The following CCDC25 variants were observed in gnomAD, a reference collection of about 807,000 sequenced individuals.
The protein encoded by CCDC25 is coiled-coil domain containing 25, also known as coiled-coil domain-containing protein 25.
CCDC25 carries 16 observed loss-of-function variants against 35.3 expected under a neutral mutation model. The ratio of observed to expected loss-of-function variants is 0.45; its 90% confidence interval spans 0.31 to 0.69. CCDC25 has a LOEUF of 0.69. Ranked by LOEUF, CCDC25 falls within the 30% of genes least tolerant of loss-of-function variation. CCDC25 has a pLI of 0.06. For synonymous variants in CCDC25, 79 were observed against 80.3 expected (o/e 0.98, Z 0.09); for missense variants, 179 against 250.7 (o/e 0.71, Z 1.93).
At chr8:27,743,342 G>T (rs1803502382) in intron 7 of CCDC25, among the ~76,000 whole-genome samples, 1 of 152,134 alleles carries the variant, frequency 6.6e-6, no homozygotes, top group Non-Finnish European at 1.5e-5. Flanking sequence ...AAGCTTCATT[G>T]TATCAACCCT....
intron 1 of CCDC25, among the ~76,000 whole-genome samples, chr8:27,769,914 G>A (rs1308146914): frequency 2.0e-5 from 3 of 152,238 alleles, no homozygotes; most frequent in Non-Finnish European, 4.4e-5. Flanking sequence ...GGCCGAGGCG[G>A]GTGGATCACT....
At chr8:27,765,439 GA>G (rs1025503800) in intron 1 of CCDC25, among the ~76,000 whole-genome samples, 188 bp from the exon 2 acceptor site, 1 of 151,850 alleles carries the variant, frequency 6.6e-6, no homozygotes, top group Non-Finnish European at 1.5e-5. Flanking sequence ...TAAAGGGTTG[GA>G]AAAAAAGCAA....
chr8:27,749,472 T>C (rs946607748), intron 5 of CCDC25, among the ~76,000 whole-genome samples: 1 of 152,232 alleles, frequency 6.6e-6, no homozygotes, highest in Non-Finnish European at 1.5e-5. Context: ...ACTTCACTTA[T>C]GTAATATTCC....
At chr8:27,739,888 A>T (rs1172409900) in intron 8 of CCDC25, among the ~76,000 whole-genome samples, 1 of 152,220 alleles carries the variant, frequency 6.6e-6, no homozygotes, top group Non-Finnish European at 1.5e-5. Flanking sequence ...GCCCTCAAGG[A>T]CAATAATTCT....
rs901896800 is a variant in CCDC25, at chr8:27,772,504, C to A, written c.28+9G>T. On this transcript the variant is annotated intron_variant, in intron 1 of 8. Transcript: ENST00000356537. Reference sequence around the variant, plus strand: ...CAGCAGGGTCCAGGAGGACGTGGCGCCCACTCACCGCTGCTGCTGGTGAAG... The same window carrying A: ...CAGCAGGGTCCAGGAGGACGTGGCGACCACTCACCGCTGCTGCTGGTGAAG... The A allele has an allele frequency of 1.0e-5, 16 of 1,549,882 alleles. No individual in the cohort carries two copies. In the Admixed American group the frequency reaches 2.7e-4, roughly 27 times the overall value.
chr8:27,767,584 C>T (rs569262935), intron 1 of CCDC25, among the ~76,000 whole-genome samples: 228 of 152,058 alleles, frequency 1.5e-3, no homozygotes, highest in Admixed American at 4.4e-3. Flanking sequence ...CAATTGCTCG[C>T]GATTAGAGGA....
chr8:27,766,163 C>T (rs113358883), intron 1 of CCDC25, among the ~76,000 whole-genome samples: 53 of 152,324 alleles, frequency 3.5e-4, no homozygotes, highest in African/African-American at 1.2e-3. Context: ...ACTGGGCCCT[C>T]AGGCTACAAA....
chr8:27,757,379 C>T (rs1832), intron 3 of CCDC25, among the ~76,000 whole-genome samples: 66,161 of 151,834 alleles, frequency 0.44, 14,670 homozygotes, highest in East Asian at 0.63. Flanking sequence ...TTAAATGGGT[C>T]ACAATTCAAT....
rs34964680 is a variant in CCDC25, at chr8:27,733,667, G to A, written c.*2549C>T. 1 of 152,176 alleles carries A rather than the reference G, an allele frequency of 6.6e-6. No individual in the cohort carries two copies. Among genetic ancestry groups the A allele is most frequent in the Admixed American group, 6.5e-5 (1 of 15,278 alleles). The allele number at this position is 152,176 out of a possible 1,614,324, so 9.4% of individuals were successfully genotyped here. On this transcript the variant is annotated 3_prime_UTR_variant, in exon 9 of 9. Coordinates refer to ENST00000356537, the MANE Select transcript of CCDC25 (RefSeq NM_018246.3). The stretch of plus-strand genomic sequence containing the variant: ...TGCTTCAAAATCAAAAGGTCACTCA[G>A]TCACTCTAATATGATCATTTTGAAT...
In CCDC25 at chr8:27,736,391, C is replaced by G. The variant is rs1002254022; in HGVS notation, c.598-146G>C. 1.2e-5 allele frequency: 8 copies of G among 656,168 alleles called. No homozygotes were observed. The Admixed American group carries it at 2.4e-4, about 20-fold the overall frequency. The allele number at this position is 656,168 out of a possible 1,614,324, so 40.6% of individuals were successfully genotyped here. The stretch of plus-strand genomic sequence containing the variant: ...ATAACTAAATTGACTCATCACTTCT[C>G]CGCCTTAAGTTGTCAGTTTCCTGAC... On this transcript the variant is annotated intron_variant, in intron 8 of 8. Coordinates refer to ENST00000356537, the MANE Select transcript of CCDC25 (RefSeq NM_018246.3).
At chr8:27,750,477 T>C (rs890687194) in intron 5 of CCDC25, among the ~76,000 whole-genome samples, 2 of 152,170 alleles carry the variant, frequency 1.3e-5, no homozygotes, top group African/African-American at 2.4e-5. Context: ...TAGCAATTAC[T>C]ACCACCACTA....
intron 7 of CCDC25, 69 bp downstream of exon 7, chr8:27,748,008 C>A: frequency 6.9e-7 from 1 of 1,441,986 alleles, no homozygotes; most frequent in Non-Finnish European, 9.7e-7. Flanking sequence ...TTCTTAATGG[C>A]TAATACATGA....
chr8:27,745,304 A>G (rs1407223186), intron 7 of CCDC25, among the ~76,000 whole-genome samples: 2 of 152,084 alleles, frequency 1.3e-5, no homozygotes, highest in African/African-American at 4.8e-5. Context: ...CCGCATCTCA[A>G]CTTTTAAATA....
rs1463471758 is a variant in CCDC25, at chr8:27,734,663, T to G, written c.*1553A>C. The G allele has an allele frequency of 1.3e-5, 2 of 152,090 alleles. No homozygotes were observed. The highest frequency in any genetic ancestry group is 2.9e-5 in the Non-Finnish European group (2 of 68,026). 9.4% of individuals were successfully genotyped at this position (152,090 alleles called of 1,614,324 possible). A position where few individuals can be genotyped will look rare whatever the true frequency, so the allele number is the denominator to read the frequency against. ...AACCAGTGTAAGCTGAGTTAGGAAA[T>G]GTTTAAAGTTTGAGCCCCAGGACCT... is the stretch of plus-strand genomic sequence containing the variant. On this transcript the variant is annotated 3_prime_UTR_variant, in exon 9 of 9. Transcript: ENST00000356537.
chr8:27,762,902 A>C (rs988848961), intron 2 of CCDC25, among the ~76,000 whole-genome samples: 1 of 152,140 alleles, frequency 6.6e-6, no homozygotes, highest in African/African-American at 2.4e-5. Flanking sequence ...AAACATTAGA[A>C]GTATAAAAAG....
At chr8:27,744,509 G>A (rs1196102175) in intron 7 of CCDC25, among the ~76,000 whole-genome samples, 1 of 152,190 alleles carries the variant, frequency 6.6e-6, no homozygotes, top group Non-Finnish European at 1.5e-5. Flanking sequence ...GGTTCTTCAT[G>A]AGACTGTCAT....
intron 3 of CCDC25, among the ~76,000 whole-genome samples, chr8:27,757,225 A>G (rs1804040588): frequency 6.6e-6 from 1 of 152,238 alleles, no homozygotes; most frequent in African/African-American, 2.4e-5. Context: ...GGAGATTAGC[A>G]GAACCACAGT....
At chr8:27,742,324 A>G (rs946454080) in intron 7 of CCDC25, among the ~76,000 whole-genome samples, 2 of 148,188 alleles carry the variant, frequency 1.3e-5, no homozygotes, top group African/African-American at 5.0e-5. Flanking sequence ...AGTGGTATCC[A>G]CAAGGAATTA....
At chr8:27,772,144 G>A (rs1804643577) in intron 1 of CCDC25, 1 of 350,012 alleles carries the variant, frequency 2.9e-6, no homozygotes, top group East Asian at 5.7e-5. Context: ...CAAGGGTTCA[G>A]CCAGAACAAA....
Sources: allele counts gnomAD v4.1 joint callset (sites outside exome capture counted in the v4.1 genomes callset), GRCh38; gene constraint gnomAD v4.1.1; transcripts MANE v1.5; gene names NCBI Gene and HGNC (gene_info 2026-07-23, HGNC 2026-07-21).